The following GSTT4 variants were observed in gnomAD, a reference collection of about 807,000 sequenced individuals.
The protein encoded by GSTT4 is glutathione S-transferase theta-4.
At chr22:24,002,088 G>T (rs2034242658) in intron 2 of GSTT4, among the ~76,000 whole-genome samples, 2 of 152,280 alleles carry the variant, frequency 1.3e-5, no homozygotes, top group South Asian at 4.1e-4. Context: ...CTGGAAGAAG[G>T]GTGGGGGTGA....
chr22:24,004,001 G>C (rs1035735996), intron 1 of GSTT4, among the ~76,000 whole-genome samples, 154 bp from the exon 2 acceptor site: 3 of 152,400 alleles, frequency 2.0e-5, no homozygotes, highest in Admixed American at 2.0e-4. Flanking sequence ...ACAGGGCAAG[G>C]CAGTTGCAGA....
intron 3 of GSTT4, among the ~76,000 whole-genome samples, chr22:24,000,902 G>T (rs1601575082): frequency 9.2e-6 from 1 of 108,248 alleles, no homozygotes; most frequent in East Asian, 2.1e-4. Flanking sequence ...AGTTCAGAAT[G>T]AAATGCCTCG....
intron 2 of GSTT4, among the ~76,000 whole-genome samples, chr22:24,001,823 T>TAAAATAC (rs1312385400): frequency 6.6e-6 from 1 of 152,262 alleles, no homozygotes; most frequent in Non-Finnish European, 1.5e-5. Flanking sequence ...CTGTCTCTAC[T>TAAAATAC]AAAATGAAAA....
At chr22:24,002,039 G>A (rs1190426371) in intron 2 of GSTT4, among the ~76,000 whole-genome samples, 1 of 152,248 alleles carries the variant, frequency 6.6e-6, no homozygotes, top group Non-Finnish European at 1.5e-5. Flanking sequence ...GGTAAAGGGA[G>A]CAAGGTAAAT....
chr22:23,993,837 A>T (rs2034090726), downstream of GSTT4, among the ~76,000 whole-genome samples: 1 of 152,258 alleles, frequency 6.6e-6, no homozygotes, highest in African/African-American at 2.4e-5. Context: ...GGACAAGGAG[A>T]TAGGGACAAG....
chr22:23,993,622 A>G (rs1230870245), downstream of GSTT4, among the ~76,000 whole-genome samples: 1 of 151,994 alleles, frequency 6.6e-6, no homozygotes, highest in African/African-American at 2.4e-5. Flanking sequence ...CTCTGTCCCA[A>G]TGTCTCCTTC....
the GSTT4 span, chr22:23,991,476 A>T: frequency 2.4e-5 from 1 of 41,984 alleles, no homozygotes; most frequent in East Asian, 2.9e-4. Flanking sequence ...AACCCAGGGG[A>T]CGGGCCCTGG....
intron 4 of GSTT4, among the ~76,000 whole-genome samples, chr22:23,999,654 G>A (rs1431196704): frequency 3.8e-5 from 5 of 130,916 alleles, no homozygotes; most frequent in African/African-American, 1.5e-4. Flanking sequence ...ACCCAGCCAC[G>A]AGAGCTGTCC....
the GSTT4 span, among the ~76,000 whole-genome samples, chr22:23,992,229 C>T: frequency 2.1e-5 from 3 of 140,242 alleles, no homozygotes; most frequent in East Asian, 2.1e-4. Context: ...TTGCTGGGGT[C>T]ATATTTGTTA....
At chr22:23,990,983 A>C in the GSTT4 span, among the ~76,000 whole-genome samples, 1 of 84,784 alleles carries the variant, frequency 1.2e-5, no homozygotes, top group African/African-American at 3.5e-5. Context: ...CCAGCCTCGG[A>C]AACACAGCAA....
chr22:23,990,795 CGTT>C, the GSTT4 span, among the ~76,000 whole-genome samples: 51 of 97,128 alleles, frequency 5.3e-4, no homozygotes, highest in Admixed American at 1.2e-3. Context: ...TCCCTACCCT[CGTT>C]CTGTGCCTGC....
intron 4 of GSTT4, among the ~76,000 whole-genome samples, chr22:23,998,974 C>G (rs1318639941): frequency 6.6e-6 from 1 of 152,256 alleles, no homozygotes; most frequent in African/African-American, 2.4e-5. Flanking sequence ...GCCTTCTGAA[C>G]CATGCTGAGA....
chr22:23,995,741 G>A (rs1416674941), downstream of GSTT4, among the ~76,000 whole-genome samples: 1 of 152,162 alleles, frequency 6.6e-6, no homozygotes, highest in East Asian at 1.9e-4. Flanking sequence ...AGATTGCTTG[G>A]TGGCGCTTCT....
At chr22:23,989,916 T>C in the GSTT4 span, among the ~76,000 whole-genome samples, 2 of 151,080 alleles carry the variant, frequency 1.3e-5, 1 homozygote, top group Non-Finnish European at 3.0e-5. Flanking sequence ...CCCTGCCCAT[T>C]CTCCCTCCAC....
At chr22:23,999,205 G>A (rs750926435) in intron 4 of GSTT4, among the ~76,000 whole-genome samples, 36 of 148,546 alleles carry the variant, frequency 2.4e-4, no homozygotes, top group Non-Finnish European at 3.3e-4. Context: ...CTTACTAAGA[G>A]TTTGGTTTGC....
At chr22:23,998,246 G>C (rs1432572090), downstream of GSTT4, among the ~76,000 whole-genome samples, 2 of 102,070 alleles carry the variant, frequency 2.0e-5, no homozygotes, top group Non-Finnish European at 4.4e-5. Flanking sequence ...ACTGAAAGTG[G>C]GGTATTGAAG....
At chr22:24,000,604 G>A (rs1419010282) in intron 3 of GSTT4, among the ~76,000 whole-genome samples, 3 of 142,492 alleles carry the variant, frequency 2.1e-5, no homozygotes, top group African/African-American at 9.1e-5. Context: ...TGTCGCCCAG[G>A]CTGGAGTGCA....
chr22:23,997,024 T>G (rs2034123294), downstream of GSTT4, among the ~76,000 whole-genome samples: 1 of 151,834 alleles, frequency 6.6e-6, no homozygotes, highest in Non-Finnish European at 1.5e-5. Context: ...GTTACAGGCC[T>G]ATTAAAATTT....
intron 1 of GSTT4, chr22:24,004,426 T>G (rs2034305782): frequency 6.5e-6 from 1 of 152,840 alleles, no homozygotes; most frequent in African/African-American, 2.4e-5. Context: ...ACAGCTTCCC[T>G]GTCTCTTCCT....
Sources: allele counts gnomAD v4.1 joint callset (sites outside exome capture counted in the v4.1 genomes callset), GRCh38; gene constraint gnomAD v4.1.1; transcripts MANE v1.5; gene names NCBI Gene and HGNC (gene_info 2026-07-23, HGNC 2026-07-21).